MCUR1: variants seen among roughly 807,000 people sequenced by gnomAD.
MCUR1 encodes mitochondrial calcium uniporter regulator 1.
A neutral mutation model predicts 42.0 loss-of-function variants in MCUR1; 37 were observed. That is an observed-to-expected ratio of 0.88 (90% confidence interval 0.68 to 1.16). MCUR1 has a LOEUF of 1.16. Ranked by LOEUF, MCUR1 falls within the 50% of genes most tolerant of loss-of-function variation. The pLI, the probability that MCUR1 is intolerant of heterozygous loss-of-function variation, is 0.00. For missense variants in MCUR1, 469 were observed against 468.4 expected (o/e 1.00, Z -0.01); for synonymous variants, 229 against 196.2 (o/e 1.17, Z -1.40).
chr6:13,813,599 T>C (rs558651458), intron 1 of MCUR1, among the ~76,000 whole-genome samples: 2 of 152,224 alleles, frequency 1.3e-5, no homozygotes, highest in African/African-American at 4.8e-5. Context: ...GAATTTGAAA[T>C]CAAACTGTAA....
chr6:13,798,331 C>T (rs1350240450), intron 6 of MCUR1, among the ~76,000 whole-genome samples: 2 of 152,098 alleles, frequency 1.3e-5, no homozygotes, highest in African/African-American at 4.8e-5. Context: ...AACTCCTGAC[C>T]TTAGGTGATC....
At chr6:13,792,784 G>C (rs928325291) in intron 7 of MCUR1, among the ~76,000 whole-genome samples, 1 of 152,072 alleles carries the variant, frequency 6.6e-6, no homozygotes, top group Non-Finnish European at 1.5e-5. Flanking sequence ...GCCTGGATGC[G>C]TAAAAAAGTA....
chr6:13,796,619 T>C (rs1162478194), intron 6 of MCUR1, among the ~76,000 whole-genome samples: 2 of 152,166 alleles, frequency 1.3e-5, no homozygotes, highest in African/African-American at 4.8e-5. Context: ...AGACTAAAAC[T>C]GTAATTGTGA....
intron 1 of MCUR1, among the ~76,000 whole-genome samples, chr6:13,807,941 G>A (rs1269876938): frequency 6.6e-6 from 1 of 152,146 alleles, no homozygotes; most frequent in African/African-American, 2.4e-5. Flanking sequence ...GGAGAAATGT[G>A]TATTCAAGTC....
chr6:13,813,727 G>T (rs1760289770), intron 1 of MCUR1, among the ~76,000 whole-genome samples: 2 of 152,214 alleles, frequency 1.3e-5, no homozygotes, highest in African/African-American at 4.8e-5. Context: ...CCCAAAAGCA[G>T]ACCCTAGGAG....
At position 13,789,874 on chromosome 6, in the gene MCUR1, T is replaced by A. The variant is rs1759690508; in HGVS notation, c.*935A>T. On this transcript the variant is annotated 3_prime_UTR_variant, in exon 9 of 9. Coordinates refer to ENST00000379170, the MANE Select transcript of MCUR1 (RefSeq NM_001031713.4). ...GCATTCTAAGAGGTAAGAGTCCCCA[T>A]TACAATTGCAATGCTTCTTTAGACA... 6.6e-6 allele frequency: 1 copy of A among 152,162 alleles called. No homozygotes were observed. Among genetic ancestry groups the A allele is most frequent in the Non-Finnish European group, 1.5e-5 (1 of 68,040 alleles). The allele number at this position is 152,162 out of a possible 1,614,324, so 9.4% of individuals were successfully genotyped here.
intron 1 of MCUR1, among the ~76,000 whole-genome samples, chr6:13,810,333 C>T (rs1406909197): frequency 4.6e-5 from 7 of 151,916 alleles, no homozygotes; most frequent in Non-Finnish European, 1.0e-4. Context: ...GACATTATGA[C>T]ACCAAAAGAA....
chr6:13,792,223 C>T (rs200628904), intron 7 of MCUR1, among the ~76,000 whole-genome samples: 28 of 152,150 alleles, frequency 1.8e-4, no homozygotes, highest in African/African-American at 6.5e-4. Flanking sequence ...CAGAACAAAA[C>T]GAAACAACCA....
At chr6:13,791,241 C>T (rs1359396324) in intron 8 of MCUR1, among the ~76,000 whole-genome samples, 1 of 152,124 alleles carries the variant, frequency 6.6e-6, no homozygotes, top group Non-Finnish European at 1.5e-5. Context: ...GCTGTGTTGC[C>T]TAGGCTAAGA....
intron 1 of MCUR1, among the ~76,000 whole-genome samples, chr6:13,811,458 C>T (rs1386162202): frequency 3.3e-5 from 5 of 152,062 alleles, no homozygotes; most frequent in South Asian, 2.1e-4. Flanking sequence ...TTCACATAAA[C>T]GAGCTCACTT....
chr6:13,802,502 C>T (rs888837793), intron 2 of MCUR1, among the ~76,000 whole-genome samples, 156 bp from the exon 3 acceptor site: 3 of 152,060 alleles, frequency 2.0e-5, no homozygotes, highest in Admixed American at 6.5e-5. Context: ...TATGACGTGC[C>T]GGTCACTCAG....
chr6:13,806,733 G>C (rs1032086488), intron 2 of MCUR1, among the ~76,000 whole-genome samples, 192 bp downstream of exon 2: 13 of 152,172 alleles, frequency 8.5e-5, no homozygotes, highest in African/African-American at 3.1e-4. Context: ...AGGTTACAGT[G>C]AACCAAGACT....
In MCUR1 at chr6:13,806,954, T is replaced by C. The variant is rs1465211440; in HGVS notation, c.506A>G (p.His169Arg). 3.7e-6 allele frequency: 6 copies of C among 1,613,196 alleles called. No homozygotes were observed. The highest frequency in any genetic ancestry group is 5.1e-6 in the Non-Finnish European group (6 of 1,179,316). Reference sequence around the variant, plus strand: ...GTCTTCCAGTAAGCACACTAAGGCATGAGTGTCGAAGTAGAGTTTCCTGCT... The same window carrying C: ...GTCTTCCAGTAAGCACACTAAGGCACGAGTGTCGAAGTAGAGTTTCCTGCT... ...SGSRKLYFDT[H>R]ALVCLLEDNG... The change falls in exon 2 of 9, where the codon CAT becomes CGT. Residue 169 changes from histidine (H) to arginine (R), a missense_variant. His to Arg is a conservative substitution (Grantham distance 29, BLOSUM62 0). Coordinates refer to ENST00000379170, the MANE Select transcript of MCUR1 (RefSeq NM_001031713.4).
At position 13,786,849 on chromosome 6, in the gene MCUR1, TAA is replaced by T. The variant is rs1389850659; in HGVS notation, c.*3958_*3959del. 1 of 152,154 alleles carries T rather than the reference TAA, an allele frequency of 6.6e-6. No individual in the cohort carries two copies. The highest frequency in any genetic ancestry group is 1.5e-5 in the Non-Finnish European group (1 of 68,020). 9.4% of individuals were successfully genotyped at this position (152,154 alleles called of 1,614,324 possible). ...GGTTATAAGCAAAGGAACATAAGTG[TAA>T]AATGTGTAGAAAGATAAATATTTTC... On this transcript the variant is annotated 3_prime_UTR_variant, in exon 9 of 9. Transcript: ENST00000379170.
intron 1 of MCUR1, among the ~76,000 whole-genome samples, chr6:13,809,214 T>G (rs1304529037): frequency 6.6e-6 from 1 of 152,008 alleles, no homozygotes; most frequent in Non-Finnish European, 1.5e-5. Flanking sequence ...GCCACCTTAA[T>G]ATTAAGTATT....
chr6:13,793,588 C>T (rs1759782920), intron 7 of MCUR1, among the ~76,000 whole-genome samples: 1 of 152,106 alleles, frequency 6.6e-6, no homozygotes, highest in African/African-American at 2.4e-5. Flanking sequence ...GAATGGAGGT[C>T]ACCAGAGGCT....
intron 6 of MCUR1, among the ~76,000 whole-genome samples, chr6:13,797,122 T>C (rs2113460145): frequency 6.6e-6 from 1 of 152,334 alleles, no homozygotes; most frequent in Admixed American, 6.5e-5. Flanking sequence ...AAAACACAAG[T>C]AGGTTACTTT....
rs1043444830 is a variant in MCUR1, at chr6:13,789,029, C to G, written c.*1780G>C. 6 of 152,228 alleles carry G rather than the reference C, an allele frequency of 3.9e-5. No homozygotes were observed. The highest frequency in any genetic ancestry group is 1.4e-4 in the African/African-American group (6 of 41,458). 9.4% of individuals were successfully genotyped at this position (152,228 alleles called of 1,614,324 possible). On this transcript the variant is annotated 3_prime_UTR_variant, in exon 9 of 9. Transcript: ENST00000379170. ...AAAAAATCTGCCTGTGGTTCCTTCA[C>G]TGTATGTGTGTGCAGAGAAAGGCAG...
chr6:13,802,313 G>C lies in MCUR1; in HGVS notation c.569C>G (p.Ser190Cys). 6.2e-7 allele frequency: 1 copy of C among 1,613,724 alleles called. No individual in the cohort carries two copies. The highest frequency in any genetic ancestry group is 1.1e-5 in the South Asian group (1 of 91,054). ...FATQQAEIIV[S>C]ALVKILEANM... ...GGCCTCCAGGATCTTGACCAATGCA[G>C]ACACAATGATTTCTGCTTGTTGAGT... is the stretch of plus-strand genomic sequence containing the variant. Residue 190 changes from serine (S) to cysteine (C), a missense_variant, in exon 3 of 9, where the codon TCT (serine) becomes TGT (cysteine). By Grantham distance (112) the Ser-to-Cys change is moderately radical (BLOSUM62 -1). Transcript: ENST00000379170.
Sources: allele counts gnomAD v4.1 joint callset (sites outside exome capture counted in the v4.1 genomes callset), GRCh38; gene constraint gnomAD v4.1.1; transcripts MANE v1.5; gene names NCBI Gene and HGNC (gene_info 2026-07-23, HGNC 2026-07-21).